Variants in NIN observed in about 807,000 individuals in gnomAD.
The protein encoded by NIN is ninein, also known as glycogen synthase kinase 3 beta-interacting protein.
A neutral mutation model predicts 257.6 loss-of-function variants in NIN; 137 were observed. The ratio of observed to expected loss-of-function variants is 0.53; its 90% confidence interval spans 0.46 to 0.61. NIN has a LOEUF of 0.61. NIN is among the 20% of genes least tolerant of loss of function. The pLI, the probability that NIN is intolerant of heterozygous loss-of-function variation, is 0.00. For synonymous variants in NIN, 918 were observed against 919.8 expected (o/e 1.00, Z 0.04); for missense variants, 2,439 against 2,501.2 (o/e 0.98, Z 0.53).
chr14:50,784,647 A>G (rs936653769), intron 5 of NIN, among the ~76,000 whole-genome samples: 9 of 152,352 alleles, frequency 5.9e-5, no homozygotes, highest in Admixed American at 3.9e-4. Context: ...CAGCCTTGAT[A>G]TGTTAATTGG....
At chr14:50,812,178 T>C (rs1393860273) in intron 3 of NIN, among the ~76,000 whole-genome samples, 1 of 152,192 alleles carries the variant, frequency 6.6e-6, no homozygotes, top group Non-Finnish European at 1.5e-5. Context: ...TGAATGACGA[T>C]ATTATCGTAG....
intron 7 of NIN, among the ~76,000 whole-genome samples, chr14:50,774,959 T>C (rs1323966073): frequency 6.6e-6 from 1 of 152,216 alleles, no homozygotes; most frequent in Non-Finnish European, 1.5e-5. Flanking sequence ...TATTCTTACA[T>C]GGACCAGGTC....
At chr14:50,807,673 T>A (rs1014405384) in intron 3 of NIN, among the ~76,000 whole-genome samples, 2 of 152,240 alleles carry the variant, frequency 1.3e-5, no homozygotes, top group Admixed American at 6.5e-5. Flanking sequence ...TCTGTTTGGA[T>A]GTCATTACAA....
At chr14:50,827,557 C>T (rs1194108152) in intron 2 of NIN, among the ~76,000 whole-genome samples, 1 of 147,670 alleles carries the variant, frequency 6.8e-6, no homozygotes, top group Non-Finnish European at 1.5e-5. Flanking sequence ...GCCATCCTGG[C>T]TAACACGTTG....
At chr14:50,778,068 G>A (rs1288522830) in intron 6 of NIN, among the ~76,000 whole-genome samples, 1 of 152,212 alleles carries the variant, frequency 6.6e-6, no homozygotes, top group East Asian at 1.9e-4. Flanking sequence ...GGTTCTGTTA[G>A]CTGAACCACA....
intron 4 of NIN, among the ~76,000 whole-genome samples, chr14:50,795,597 G>A (rs930875356): frequency 1.3e-5 from 2 of 152,156 alleles, no homozygotes; most frequent in Admixed American, 6.5e-5. Flanking sequence ...CTGGGGCTAC[G>A]TTTATTTACT....
At chr14:50,767,627 CGAA>C (rs2042547862) in intron 12 of NIN, among the ~76,000 whole-genome samples, 2 of 152,054 alleles carry the variant, frequency 1.3e-5, no homozygotes, top group African/African-American at 2.4e-5. Context: ...ACCATCCTGG[CGAA>C]CACGGTGAAA....
intron 22 of NIN, 54 bp downstream of exon 22, chr14:50,747,938 G>C: frequency 8.6e-7 from 1 of 1,167,168 alleles, no homozygotes; most frequent in Non-Finnish European, 1.3e-6. Context: ...CCCAACAGGA[G>C]CCCACCAGGT....
chr14:50,744,507 CTA>C, intron 22 of NIN, 142 bp from the exon 23 acceptor site: 6 of 807,926 alleles, frequency 7.4e-6, no homozygotes, highest in South Asian at 1.8e-5. Context: ...CTAGCAGAGA[CTA>C]TAATAAACTT....
intron 29 of NIN, among the ~76,000 whole-genome samples, chr14:50,728,889 A>G (rs2040546282): frequency 6.6e-6 from 1 of 152,272 alleles, no homozygotes; most frequent in African/African-American, 2.4e-5. Flanking sequence ...TATGTCAACT[A>G]GAAAGATGTC....
Position 50,723,092 on chromosome 14 carries a change from C to A in NIN, c.*371G>T. 1 of 234,698 alleles carries A rather than the reference C, an allele frequency of 4.3e-6. No individual in the cohort carries two copies. The highest frequency in any genetic ancestry group is 8.4e-6 in the Non-Finnish European group (1 of 119,530). 14.5% of individuals were successfully genotyped at this position (234,698 alleles called of 1,614,324 possible). On this transcript the variant is annotated 3_prime_UTR_variant, in exon 31 of 31. Coordinates refer to ENST00000530997, the MANE Select transcript of NIN (RefSeq NM_020921.4). Reference sequence around the variant, plus strand: ...TAAAGTTTATAACAACCATTCTCATCAGATCTCAAACTTCAAATATCTAGA... The same window carrying A: ...TAAAGTTTATAACAACCATTCTCATAAGATCTCAAACTTCAAATATCTAGA...
At position 50,766,411 on chromosome 14, in the gene NIN, G is replaced by A; in HGVS notation, c.1546-15C>T. On this transcript the variant is annotated splice_polypyrimidine_tract_variant and intron_variant, in intron 13 of 30. Coordinates refer to ENST00000530997, the MANE Select transcript of NIN (RefSeq NM_020921.4). ...AGGTCACCAAACTAGAAGGGGAAAA[G>A]GGCAAAGCTGTCATTTTTCCCGAGT... 1 of 1,612,912 alleles carries A rather than the reference G, an allele frequency of 6.2e-7. No individual in the cohort carries two copies. The highest frequency in any genetic ancestry group is 1.3e-5 in the African/African-American group (1 of 74,998).
intron 28 of NIN, among the ~76,000 whole-genome samples, chr14:50,732,889 G>C (rs980354429): frequency 6.7e-6 from 1 of 148,934 alleles, no homozygotes; most frequent in Non-Finnish European, 1.5e-5. Context: ...CACGGCGCCC[G>C]GCCAATAACA....
chr14:50,797,250 C>G (rs190238098), intron 4 of NIN, among the ~76,000 whole-genome samples: 2 of 152,284 alleles, frequency 1.3e-5, no homozygotes, highest in African/African-American at 4.8e-5. Context: ...ATTCCCTGTT[C>G]CCAAAAATGA....
chr14:50,771,321 G>C lies in NIN; in HGVS notation c.1118+11C>G. On this transcript the variant is annotated intron_variant, in intron 10 of 30. Coordinates refer to ENST00000530997, the MANE Select transcript of NIN (RefSeq NM_020921.4). ...AGGGAATGGGGCAGGCGAACCTTCT[G>C]CTCAACTCACAACAAATGCCGGATT... 6.2e-7 allele frequency: 1 copy of C among 1,613,382 alleles called. No individual in the cohort carries two copies. The highest frequency in any genetic ancestry group is 2.2e-5 in the East Asian group (1 of 44,872).
In NIN at chr14:50,743,723, G is replaced by A. The variant is rs553439653; in HGVS notation, c.5188-194C>T. 2.6e-5 allele frequency among the ~76,000 whole-genome samples: 4 copies of A among 152,250 alleles called. No homozygotes were observed. In the South Asian group the frequency reaches 8.3e-4, roughly 32 times the overall value. On this transcript the variant is annotated intron_variant, in intron 23 of 30. Transcript: ENST00000530997. ...AAGACTGTTTTACACGTCTAATTTT[G>A]AGGAGTTGCTTCTTTTTGGAAATTT...
At position 50,744,335 on chromosome 14, in the gene NIN, G is replaced by T; in HGVS notation, c.5095C>A (p.Gln1699Lys). 1 of 1,613,998 alleles carries T rather than the reference G, an allele frequency of 6.2e-7. No individual in the cohort carries two copies. The highest frequency in any genetic ancestry group is 1.7e-5 in the Admixed American group (1 of 60,016). ...CTTAGAACACTAGAGATTTTTTGCT[G>T]GAAGTCAGAGAGATCGGGACATCTG... Reference protein sequence around the residue: ...LHRCPDLSDFQQKISSVLSYN... With the variant: ...LHRCPDLSDFKQKISSVLSYN... Residue 1699 changes from glutamine to lysine, a missense_variant, in exon 23 of 31, where the codon CAG (glutamine) becomes AAG (lysine). Gln to Lys is a moderately conservative substitution (Grantham distance 53, BLOSUM62 1). Transcript: ENST00000530997.
rs8021903 is a variant in NIN, at chr14:50,721,513, A to G, written c.*1950T>C. 5.3e-3 allele frequency: 1,150 copies of G among 217,444 alleles called. 15 individuals carry two copies. Among genetic ancestry groups the G allele is most frequent in the African/African-American group, 0.023 (1,037 of 44,524 alleles). The allele number at this position is 217,444 out of a possible 1,614,324, so 13.5% of individuals were successfully genotyped here. A position where few individuals can be genotyped will look rare whatever the true frequency, so the allele number is the denominator to read the frequency against. On this transcript the variant is annotated 3_prime_UTR_variant, in exon 31 of 31. Transcript: ENST00000530997. The stretch of plus-strand genomic sequence containing the variant: ...TCACATAAATACACTACAGGTACTT[A>G]GTTTATTTTTGTCCTTAGCCTAGGC...
intron 20 of NIN, among the ~76,000 whole-genome samples, chr14:50,753,591 G>A (rs2041893398): frequency 6.6e-6 from 1 of 151,964 alleles, no homozygotes; most frequent in African/African-American, 2.4e-5. Context: ...ATTTATACAT[G>A]GTAGTATTTT....
Sources: allele counts gnomAD v4.1 joint callset (sites outside exome capture counted in the v4.1 genomes callset), GRCh38; gene constraint gnomAD v4.1.1; transcripts MANE v1.5; gene names NCBI Gene and HGNC (gene_info 2026-07-23, HGNC 2026-07-21).